GRHL2: variants seen among roughly 807,000 people sequenced by gnomAD.
GRHL2 encodes grainyhead-like protein 2 homolog.
In GRHL2, 21 loss-of-function variants were observed where a neutral mutation model predicts 83.8. The ratio of observed to expected loss-of-function variants is 0.25; its 90% CI spans 0.18 to 0.36. The LOEUF (loss-of-function observed/expected upper bound fraction) is 0.36, where lower values mean the gene tolerates loss of function less well. Among genes scored for constraint, GRHL2 ranks in the 10% least tolerant of loss-of-function variants. GRHL2 has a pLI of 1.00. For missense variants in GRHL2, 623 were observed against 781.8 expected (o/e 0.80, Z 2.42); for synonymous variants, 280 against 278.9 (o/e 1.00, Z -0.04).
chr8:101,533,141 CT>C (rs200699125), intron 1 of GRHL2, among the ~76,000 whole-genome samples: 4 of 148,470 alleles, frequency 2.7e-5, no homozygotes, highest in African/African-American at 4.9e-5. Flanking sequence ...TGAATCTCCA[CT>C]TTTTTTTTTA....
chr8:101,613,783 T>G (rs1190599331), intron 8 of GRHL2, among the ~76,000 whole-genome samples: 1 of 151,116 alleles, frequency 6.6e-6, no homozygotes, highest in Non-Finnish European at 1.5e-5. Context: ...GTTAAAATGA[T>G]TATTTCTTAT....
At chr8:101,510,897 C>T (rs912832276) in intron 1 of GRHL2, among the ~76,000 whole-genome samples, 1 of 152,014 alleles carries the variant, frequency 6.6e-6, no homozygotes, top group African/African-American at 2.4e-5. Context: ...GAGTTTGAGG[C>T]CAGCCTGCCT....
intron 4 of GRHL2, 65 bp from the exon 5 acceptor site, chr8:101,570,274 A>T: frequency 8.5e-7 from 1 of 1,172,720 alleles, no homozygotes; most frequent in East Asian, 2.3e-5. Flanking sequence ...GGATACATTT[A>T]TTATTATCAT....
chr8:101,563,521 A>G (rs947538455), intron 4 of GRHL2, among the ~76,000 whole-genome samples: 1 of 152,124 alleles, frequency 6.6e-6, no homozygotes, highest in Non-Finnish European at 1.5e-5. Context: ...TGCCTGCTGT[A>G]TTCTGTGGAA....
At chr8:101,551,394 G>C (rs1043464677) in intron 2 of GRHL2, among the ~76,000 whole-genome samples, 1 of 152,112 alleles carries the variant, frequency 6.6e-6, no homozygotes, top group African/African-American at 2.4e-5. Flanking sequence ...TTTGAACCCA[G>C]GCAAGCAGGC....
chr8:101,678,359 A>C, the GRHL2 span, among the ~76,000 whole-genome samples: 3 of 152,162 alleles, frequency 2.0e-5, no homozygotes, highest in African/African-American at 4.8e-5. Flanking sequence ...CCACCCGAAT[A>C]CTGCGCTTTT....
intron 7 of GRHL2, among the ~76,000 whole-genome samples, chr8:101,594,152 T>C (rs765183257): frequency 1.4e-5 from 2 of 147,370 alleles, no homozygotes; most frequent in Non-Finnish European, 3.0e-5. Flanking sequence ...GAAGGCCATG[T>C]GAAGACAGAA....
chr8:101,600,134 T>A (rs1258951018), intron 8 of GRHL2, among the ~76,000 whole-genome samples: 1 of 152,130 alleles, frequency 6.6e-6, no homozygotes, highest in African/African-American at 2.4e-5. Context: ...AGAAGAAGAA[T>A]TGCCCAGTGT....
At chr8:101,569,531 G>A (rs898285015) in intron 4 of GRHL2, among the ~76,000 whole-genome samples, 2 of 152,172 alleles carry the variant, frequency 1.3e-5, no homozygotes, top group Non-Finnish European at 2.9e-5. Flanking sequence ...CTGAAGTGAC[G>A]TGATCGTAGC....
intron 14 of GRHL2, among the ~76,000 whole-genome samples, chr8:101,659,271 A>G (rs1448881646): frequency 6.6e-6 from 1 of 152,230 alleles, no homozygotes; most frequent in African/African-American, 2.4e-5. Context: ...AAAAAGACAC[A>G]GGTATTGCTA....
At chr8:101,644,715 A>G (rs1225161453) in intron 13 of GRHL2, among the ~76,000 whole-genome samples, 1 of 152,236 alleles carries the variant, frequency 6.6e-6, no homozygotes, top group Non-Finnish European at 1.5e-5. Flanking sequence ...TGTCTTGCCC[A>G]GCATGTCAAT....
chr8:101,549,061 C>T (rs550101574), intron 2 of GRHL2, among the ~76,000 whole-genome samples: 1 of 152,142 alleles, frequency 6.6e-6, no homozygotes, highest in Admixed American at 6.5e-5. Flanking sequence ...ATAGAGACTG[C>T]CATATCATGG....
chr8:101,578,101 G>A (rs559690056), intron 7 of GRHL2, among the ~76,000 whole-genome samples: 2 of 152,288 alleles, frequency 1.3e-5, no homozygotes, highest in East Asian at 3.9e-4. Context: ...CCCCTGGATG[G>A]CACATCACTC....
At chr8:101,621,957 A>T (rs1812975730) in intron 9 of GRHL2, among the ~76,000 whole-genome samples, 1 of 152,206 alleles carries the variant, frequency 6.6e-6, no homozygotes, top group Admixed American at 6.5e-5. Context: ...AATACTAAAA[A>T]TACATTGCTT....
intron 6 of GRHL2, among the ~76,000 whole-genome samples, chr8:101,576,469 C>G (rs1230895325): frequency 6.6e-6 from 1 of 152,154 alleles, no homozygotes; most frequent in Non-Finnish European, 1.5e-5. Flanking sequence ...ATCTTCCCCC[C>G]TCAGTTTCCC....
chr8:101,541,909 G>A (rs766690493), intron 1 of GRHL2, among the ~76,000 whole-genome samples: 1 of 152,108 alleles, frequency 6.6e-6, no homozygotes, highest in Admixed American at 6.6e-5. Flanking sequence ...TAAATTCCCC[G>A]TATAGACTCC....
At chr8:101,674,538 A>G (rs1355482254), downstream of GRHL2, among the ~76,000 whole-genome samples, 1 of 152,178 alleles carries the variant, frequency 6.6e-6, no homozygotes, top group East Asian at 1.9e-4. Flanking sequence ...TAGACCAATA[A>G]CAGGCTCTGA....
intron 1 of GRHL2, among the ~76,000 whole-genome samples, chr8:101,515,492 T>G (rs549597154): frequency 6.6e-6 from 1 of 152,278 alleles, no homozygotes; most frequent in African/African-American, 2.4e-5. Flanking sequence ...CTCCTGCCAT[T>G]TCTGCTCTTT....
intron 8 of GRHL2, among the ~76,000 whole-genome samples, chr8:101,614,115 T>A (rs1174821307): frequency 1.3e-5 from 2 of 150,990 alleles, no homozygotes; most frequent in Admixed American, 1.3e-4. Context: ...TTGTGCTTAT[T>A]TTAATAAATC....
Sources: gnomAD v4.1 joint callset for allele counts (sites outside exome capture counted in the v4.1 genomes callset) on GRCh38, gnomAD v4.1.1 for gene constraint, MANE v1.5 for transcripts, NCBI Gene and HGNC (gene_info 2026-07-23, HGNC 2026-07-21) for gene names.